The following DLEU7 variants were observed in gnomAD, a reference collection of about 807,000 sequenced individuals.
The protein encoded by DLEU7 is leukemia-associated protein 7.
DLEU7 carries 17 observed loss-of-function variants against 16.0 expected under a neutral mutation model. That is an observed-to-expected ratio of 1.06 (90% CI 0.73 to 1.59). DLEU7 has a LOEUF of 1.59. Ranked by LOEUF, DLEU7 falls within the 40% of genes most tolerant of loss-of-function variation. The pLI is 0.00. For missense variants in DLEU7, 308 were observed against 314.9 expected, an observed-to-expected ratio of 0.98 and a Z score of 0.17; for synonymous variants, 113 against 139.8, an observed-to-expected ratio of 0.81 and a Z score of 1.35.
chr13:50,715,738 G>A (rs568882286), intron 1 of DLEU7, among the ~76,000 whole-genome samples: 1 of 152,340 alleles, frequency 6.6e-6, no homozygotes. Context: ...GAAAAACTCC[G>A]AAGATTCCAC....
Position 50,843,336 on chromosome 13 carries a change from G to A in DLEU7, c.311C>T (p.Pro104Leu), listed in dbSNP as rs1877740573. The change falls in exon 1 of 2, where the codon CCC becomes CTC. Residue 104 changes from proline (P) to leucine (L), a missense_variant. Transcript: ENST00000504404. This position sits in a 1 kb window ranked among gnomAD's most constrained non-coding sequence, Gnocchi z 5.7. ...CAGGGTGCAGGGCCCGCGGTCCCGGGGGAAGGGCAGCAACTCGGCGCCCCC... is the reference window on the plus strand; with the variant it reads ...CAGGGTGCAGGGCCCGCGGTCCCGGAGGAAGGGCAGCAACTCGGCGCCCCC... ...AEGGAELLPF[P>L]RDRGPCTLAQ... 7.4e-6 allele frequency: 11 copies of A among 1,477,726 alleles called. No individual in the cohort carries two copies. The highest frequency in any genetic ancestry group is 9.0e-6 in the Non-Finnish European group (10 of 1,115,674). The allele number at this position is 1,477,726 out of a possible 1,614,324, so 91.5% of individuals were successfully genotyped here.
intron 1 of DLEU7, among the ~76,000 whole-genome samples, chr13:50,737,876 G>A (rs1263295365): frequency 1.3e-5 from 2 of 151,646 alleles, no homozygotes; most frequent in Non-Finnish European, 2.9e-5. Flanking sequence ...AGTGAGCAAG[G>A]CCTGTAAAAA....
At chr13:50,774,208 AC>A (rs1875420149) in intron 1 of DLEU7, among the ~76,000 whole-genome samples, 1 of 151,488 alleles carries the variant, frequency 6.6e-6, no homozygotes, top group Non-Finnish European at 1.5e-5. Flanking sequence ...AAATCCCCCA[AC>A]CCCTTGAGCT....
chr13:50,741,629 G>T (rs775875305), intron 1 of DLEU7, among the ~76,000 whole-genome samples: 1 of 152,124 alleles, frequency 6.6e-6, no homozygotes, highest in East Asian at 1.9e-4. Context: ...AGCCAAGACC[G>T]TATCTCATAT....
intron 1 of DLEU7, among the ~76,000 whole-genome samples, chr13:50,782,249 A>T (rs540144177): frequency 6.6e-6 from 1 of 152,230 alleles, no homozygotes; most frequent in African/African-American, 2.4e-5. Context: ...ACTTTAGTAC[A>T]GTGACTGGCA....
intron 1 of DLEU7, among the ~76,000 whole-genome samples, chr13:50,743,971 A>G (rs1038542152): frequency 3.0e-4 from 46 of 152,186 alleles, no homozygotes; most frequent in African/African-American, 1.0e-3. Context: ...AATGATACTC[A>G]GAAAACCGCT....
At chr13:50,779,676 G>A (rs964649384) in intron 1 of DLEU7, among the ~76,000 whole-genome samples, 22 of 152,092 alleles carry the variant, frequency 1.4e-4, no homozygotes, top group African/African-American at 3.6e-4. Flanking sequence ...AGGTCTCACG[G>A]ATTGGTCCTG....
At chr13:50,758,672 T>C (rs1874835652) in intron 1 of DLEU7, among the ~76,000 whole-genome samples, 1 of 152,196 alleles carries the variant, frequency 6.6e-6, no homozygotes, top group Non-Finnish European at 1.5e-5. Context: ...GAGGGCTCTA[T>C]TTCCCACTGT....
chr13:50,800,795 G>T (rs1876226536), intron 1 of DLEU7, among the ~76,000 whole-genome samples: 1 of 152,168 alleles, frequency 6.6e-6, no homozygotes, highest in African/African-American at 2.4e-5. Context: ...GGAGAAGAGA[G>T]AGGCGAGGTG....
intron 1 of DLEU7, among the ~76,000 whole-genome samples, chr13:50,757,542 A>G (rs2137741209): frequency 6.6e-6 from 1 of 152,228 alleles, no homozygotes; most frequent in East Asian, 1.9e-4. Flanking sequence ...GCAAAACTTG[A>G]CTTTGTAAAC....
intron 1 of DLEU7, among the ~76,000 whole-genome samples, chr13:50,840,965 A>G (rs1490908933): frequency 6.6e-6 from 1 of 152,198 alleles, no homozygotes; most frequent in African/African-American, 2.4e-5. Context: ...TCAAAAGTCA[A>G]TTAGAAAGGG....
intron 1 of DLEU7, among the ~76,000 whole-genome samples, chr13:50,740,055 C>T (rs182433929): frequency 6.6e-6 from 1 of 152,076 alleles, no homozygotes; most frequent in Admixed American, 6.5e-5. Context: ...TTTCCTTAGT[C>T]CTGACAGGAA....
At chr13:50,711,779 G>GGGGGGGTGGC (rs1555287138), downstream of DLEU7, 3 of 135,682 alleles carry the variant, frequency 2.2e-5, no homozygotes, top group African/African-American at 9.4e-5. Flanking sequence ...TGGCGGGGGC[G>GGGGGGGTGGC]GGGGGCATTA....
chr13:50,805,665 C>T (rs2137785075), intron 1 of DLEU7, among the ~76,000 whole-genome samples: 1 of 151,922 alleles, frequency 6.6e-6, no homozygotes. Context: ...TCAGCAATGC[C>T]CTGTCTTCTT....
chr13:50,777,987 T>C (rs1052954351), intron 1 of DLEU7, among the ~76,000 whole-genome samples: 5 of 152,206 alleles, frequency 3.3e-5, no homozygotes, highest in Non-Finnish European at 5.9e-5. Flanking sequence ...TCTGGATATC[T>C]CACTCTCAGG....
chr13:50,831,142 A>G (rs575051062), intron 1 of DLEU7, among the ~76,000 whole-genome samples: 49 of 151,570 alleles, frequency 3.2e-4, no homozygotes, highest in African/African-American at 1.1e-3. Context: ...GGGGAGAGGG[A>G]AAAAGAAAGG....
chr13:50,764,427 A>G (rs7331789), intron 1 of DLEU7, among the ~76,000 whole-genome samples: 15,016 of 152,270 alleles, frequency 0.099, 1,471 homozygotes, highest in East Asian at 0.28. Flanking sequence ...TCCAGGAGTC[A>G]TTAACTAACA....
chr13:50,725,481 G>A (rs551814511), intron 1 of DLEU7, among the ~76,000 whole-genome samples: 1 of 152,240 alleles, frequency 6.6e-6, no homozygotes, highest in South Asian at 2.1e-4. Context: ...TCTGCCTCAG[G>A]TCTGAGCCCA....
intron 1 of DLEU7, among the ~76,000 whole-genome samples, chr13:50,735,238 A>C (rs1425059024): frequency 6.6e-6 from 1 of 152,190 alleles, no homozygotes; most frequent in Non-Finnish European, 1.5e-5. Flanking sequence ...ACAATGGTAG[A>C]GCAGTTAGAC....
Sources: gnomAD v4.1 joint callset for allele counts (sites outside exome capture counted in the v4.1 genomes callset) on GRCh38, gnomAD v4.1.1 for gene constraint, Gnocchi (gnomAD v3.1) non-coding constraint, MANE v1.5 for transcripts, NCBI Gene and HGNC (gene_info 2026-07-23, HGNC 2026-07-21) for gene names.